ZNF12: variants seen among roughly 807,000 people sequenced by gnomAD.
The protein encoded by ZNF12 is zinc finger protein 12.
In ZNF12, 34 loss-of-function variants were observed where a neutral mutation model predicts 66.6. The ratio of observed to expected loss-of-function variants is 0.51; its 90% CI spans 0.39 to 0.68. The LOEUF (loss-of-function observed/expected upper bound fraction) is 0.68, where lower values mean the gene tolerates loss of function less well. Ranked by LOEUF, ZNF12 falls within the 30% of genes least tolerant of loss-of-function variation. The probability of loss-of-function intolerance (pLI) is 0.00; values close to 1 mark genes in which losing one functional copy is unlikely to be tolerated. For missense variants in ZNF12, 697 were observed against 826.9 expected, an observed-to-expected ratio of 0.84 and a Z score of 1.93; for synonymous variants, 320 against 278.9, an observed-to-expected ratio of 1.15 and a Z score of -1.47.
At chr7:6,694,068 G>A (rs1417988313) in intron 4 of ZNF12, among the ~76,000 whole-genome samples, 1 of 152,036 alleles carries the variant, frequency 6.6e-6, no homozygotes, top group Non-Finnish European at 1.5e-5. Flanking sequence ...TTGGAAGGCT[G>A]AGGCAGGAGA....
intron 2 of ZNF12, chr7:6,704,393 G>C (rs1030025649): frequency 6.6e-6 from 1 of 151,422 alleles, no homozygotes; most frequent in African/African-American, 2.4e-5. Flanking sequence ...GGATAGAGCA[G>C]TAAAAAGAAT....
Position 6,696,385 on chromosome 7 carries a change from T to C in ZNF12, c.238+954A>G, listed in dbSNP as rs544920941. On this transcript the variant is annotated intron_variant, in intron 4 of 4. Transcript: ENST00000405858. The surrounding 1 kb of genome is among the most constrained non-coding windows in gnomAD (Gnocchi z 4.0). ...GGTGATTAGTAATTATAATTTGGAA[T>C]AGGTCATGATCAATTTCCAGGCCTG... 6.6e-6 allele frequency among the ~76,000 whole-genome samples: 1 copy of C among 152,306 alleles called. No individual in the cohort carries two copies. Among genetic ancestry groups the C allele is most frequent in the African/African-American group, 2.4e-5 (1 of 41,554 alleles).
At position 6,691,252 on chromosome 7, in the gene ZNF12, G is replaced by C. The variant is rs755974985; in HGVS notation, c.1690C>G (p.Leu564Val). 6.2e-7 allele frequency: 1 copy of C among 1,613,958 alleles called. No individual in the cohort carries two copies. Among genetic ancestry groups the C allele is most frequent in the Non-Finnish European group, 8.5e-7 (1 of 1,180,006 alleles). ...CGKFFSQMSY[L>V]TIHHRIHSGE... ...GAATGAATTCTATGATGTATAGTGA[G>C]GTATGACATCTGAGAGAAGAATTTT... The change falls in exon 5 of 5, where the codon CTC becomes GTC. Residue 564 changes from leucine to valine, a missense_variant. Transcript: ENST00000405858.
chr7:6,706,909 C>G lies in ZNF12; in HGVS notation c.-528G>C. The G allele has an allele frequency of 2.4e-6, 1 of 414,126 alleles. No individual in the cohort carries two copies. The highest frequency in any genetic ancestry group is 4.8e-6 in the Non-Finnish European group (1 of 208,516). 25.7% of individuals were successfully genotyped at this position (414,126 alleles called of 1,614,324 possible). A position where few individuals can be genotyped will look rare whatever the true frequency, so the allele number is the denominator to read the frequency against. ...GGAGGCCAAAGCCTGGGAACTAGGG[C>G]GAGCGGTGACCTGGGGACGCACAGG... On this transcript the variant is annotated 5_prime_UTR_variant, in exon 1 of 5. Coordinates refer to ENST00000405858, the MANE Select transcript of ZNF12 (RefSeq NM_016265.4).
rs1395931440 is a variant in ZNF12 at position 6,699,088 on chromosome 7, GGTT to G, written c.16-1280_16-1278del. On this transcript the variant is annotated intron_variant, in intron 2 of 4. Coordinates refer to ENST00000405858, the MANE Select transcript of ZNF12 (RefSeq NM_016265.4). ...AAGTTTAAACAACTGAAGGTTATGT[GGTT>G]GTTATTTATGTAATTGGCAAGAAAG... 2.0e-5 allele frequency among the ~76,000 whole-genome samples: 3 copies of G among 152,284 alleles called. No individual in the cohort carries two copies. In the East Asian group the frequency reaches 5.8e-4, roughly 29 times the overall value.
In ZNF12 at chr7:6,698,021, C is replaced by T. The variant is rs1377455710; in HGVS notation, c.16-210G>A. 2.6e-6 allele frequency: 2 copies of T among 763,894 alleles called. No homozygotes were observed. The highest frequency in any genetic ancestry group is 2.3e-4 in the Middle Eastern group (1 of 4,352). The allele number at this position is 763,894 out of a possible 1,614,324, so 47.3% of individuals were successfully genotyped here. On this transcript the variant is annotated intron_variant, in intron 2 of 4. Coordinates refer to ENST00000405858, the MANE Select transcript of ZNF12 (RefSeq NM_016265.4). The surrounding 1 kb of genome is among the most constrained non-coding windows in gnomAD (Gnocchi z 4.4). ...CAAAAAACAAAAAACAAAAAAACAA[C>T]ACTGGGATTGCACGGTGAGCCAGAA...
rs558413700 is a variant in ZNF12, at chr7:6,691,119, T to A, written c.1823A>T (p.Tyr608Phe). 6.2e-7 allele frequency: 1 copy of A among 1,614,124 alleles called. No individual in the cohort carries two copies. The highest frequency in any genetic ancestry group is 2.2e-5 in the East Asian group (1 of 44,868). Residue 608 changes from tyrosine (Y) to phenylalanine (F), a missense_variant, in exon 5 of 5, where the codon TAT becomes TTT. Transcript: ENST00000405858. Reference sequence around the variant, plus strand: ...CTGAGAGAAGCACTTCCCACATTCATAACATTCGTAGGCTTTCTCTCCTGT... The same window carrying A: ...CTGAGAGAAGCACTTCCCACATTCAAAACATTCGTAGGCTTTCTCTCCTGT... ...THTGEKAYECYECGKCFSQMS... is the reference protein window; with the variant it reads ...THTGEKAYECFECGKCFSQMS...
intron 2 of ZNF12, among the ~76,000 whole-genome samples, chr7:6,702,204 T>C (rs975768256): frequency 2.6e-5 from 4 of 151,848 alleles, no homozygotes; most frequent in Non-Finnish European, 5.9e-5. Context: ...TGCACGCTCC[T>C]GGTTCTCCCT....
In ZNF12 at chr7:6,697,900, G is replaced by C. The variant is rs1239740010; in HGVS notation, c.16-89C>G. 7.2e-7 allele frequency: 1 copy of C among 1,386,762 alleles called. No homozygotes were observed. Among genetic ancestry groups the C allele is most frequent in the Non-Finnish European group, 1.0e-6 (1 of 976,948 alleles). The allele number at this position is 1,386,762 out of a possible 1,614,324, so 85.9% of individuals were successfully genotyped here. Reference sequence around the variant, plus strand: ...CATGCTCACTGGCAAAATTAACCATGAACACTGTATACCTTTATTTTATGT... The same window carrying C: ...CATGCTCACTGGCAAAATTAACCATCAACACTGTATACCTTTATTTTATGT... On this transcript the variant is annotated intron_variant, in intron 2 of 4. Coordinates refer to ENST00000405858, the MANE Select transcript of ZNF12 (RefSeq NM_016265.4). This position sits in a 1 kb window ranked among gnomAD's most constrained non-coding sequence, Gnocchi z 6.1.
chr7:6,698,840 G>A lies in ZNF12; in HGVS notation c.16-1029C>T, dbSNP rs2115352012. 6.6e-6 allele frequency among the ~76,000 whole-genome samples: 1 copy of A among 152,292 alleles called. No homozygotes were observed. Among genetic ancestry groups the A allele is most frequent in the East Asian group, 1.9e-4 (1 of 5,192 alleles). On this transcript the variant is annotated intron_variant, in intron 2 of 4. Transcript: ENST00000405858. The surrounding 1 kb of genome is among the most constrained non-coding windows in gnomAD (Gnocchi z 4.4). ...GTCCCATTCACAAGTACTCACACTA[G>A]CCATTATAACTGTTTCCTTTAATAT... is the stretch of plus-strand genomic sequence containing the variant.
In ZNF12 at chr7:6,688,687, C is replaced by G. The variant is rs946575473; in HGVS notation, c.*2161G>C. ...GTGTGATTTTAATAAATGGAAAACACGGCATTTCAGCTCAGTGGTAAAGCA... is the reference window on the plus strand; with the variant it reads ...GTGTGATTTTAATAAATGGAAAACAGGGCATTTCAGCTCAGTGGTAAAGCA... On this transcript the variant is annotated 3_prime_UTR_variant, in exon 5 of 5. Coordinates refer to ENST00000405858, the MANE Select transcript of ZNF12 (RefSeq NM_016265.4). This position sits in a 1 kb window ranked among gnomAD's most constrained non-coding sequence, Gnocchi z 4.3. 6.6e-6 allele frequency: 1 copy of G among 152,152 alleles called. No homozygotes were observed. The highest frequency in any genetic ancestry group is 2.4e-5 in the African/African-American group (1 of 41,422). 9.4% of individuals were successfully genotyped at this position (152,152 alleles called of 1,614,324 possible). A position where few individuals can be genotyped will look rare whatever the true frequency, so the allele number is the denominator to read the frequency against.
Position 6,706,789 on chromosome 7 carries a change from G to C in ZNF12, c.-408C>G, listed in dbSNP as rs1324954367. 4.0e-6 allele frequency: 1 copy of C among 251,262 alleles called. No homozygotes were observed. The highest frequency in any genetic ancestry group is 7.8e-6 in the Non-Finnish European group (1 of 127,556). 15.6% of individuals were successfully genotyped at this position (251,262 alleles called of 1,614,324 possible). On this transcript the variant is annotated 5_prime_UTR_variant, in exon 1 of 5. Transcript: ENST00000405858. The stretch of plus-strand genomic sequence containing the variant: ...GGGTCGTGCTCGGGGATCCCCGCTT[G>C]AGCCTCCGCCTGGCCCGCACAGCCC...
In ZNF12 at chr7:6,697,389, C is replaced by A; in HGVS notation, c.188G>T (p.Gly63Val). ...KPDVISKLEQ[G>V]EEPWIVEGEF... ...TCCTTCTACTATCCATGGCTCTTCT[C>A]CTTGCTCCAACTTGCTGATAACATC... Residue 63 changes from glycine to valine, a missense_variant, in exon 4 of 5, where the codon GGA becomes GTA. Gly to Val is a moderately radical substitution (Grantham distance 109, BLOSUM62 -3). This residue lies in a region of ZNF12 where 55 missense variants were observed against 83.9 expected (regional missense o/e 0.66). Coordinates refer to ENST00000405858, the MANE Select transcript of ZNF12 (RefSeq NM_016265.4). This position sits in a 1 kb window ranked among gnomAD's most constrained non-coding sequence, Gnocchi z 6.1. The A allele has an allele frequency of 1.9e-6, 3 of 1,612,672 alleles. No homozygotes were observed. Among genetic ancestry groups the A allele is most frequent in the Non-Finnish European group, 2.5e-6 (3 of 1,179,398 alleles).
Position 6,706,923 on chromosome 7 carries a change from G to T in ZNF12, c.-542C>A, listed in dbSNP as rs577367109. ...GGGAACTAGGGCGAGCGGTGACCTG[G>T]GGACGCACAGGAAGCGAGGGCACTG... On this transcript the variant is annotated 5_prime_UTR_variant, in exon 1 of 5. Coordinates refer to ENST00000405858, the MANE Select transcript of ZNF12 (RefSeq NM_016265.4). 7 of 412,572 alleles carry T rather than the reference G, an allele frequency of 1.7e-5. No individual in the cohort carries two copies. The highest frequency in any genetic ancestry group is 1.5e-4 in the African/African-American group (7 of 45,824). 25.6% of individuals were successfully genotyped at this position (412,572 alleles called of 1,614,324 possible). A position where few individuals can be genotyped will look rare whatever the true frequency, so the allele number is the denominator to read the frequency against.
intron 4 of ZNF12, among the ~76,000 whole-genome samples, chr7:6,694,404 T>G (rs1028715275): frequency 6.6e-6 from 1 of 152,028 alleles, no homozygotes; most frequent in African/African-American, 2.4e-5. Context: ...TGAGAGACAA[T>G]ACTTTTCACC....
At chr7:6,695,899 G>A (rs1040062393) in intron 4 of ZNF12, among the ~76,000 whole-genome samples, 10 of 152,204 alleles carry the variant, frequency 6.6e-5, no homozygotes, top group Non-Finnish European at 8.8e-5. Context: ...TAAAGCTGTA[G>A]GGACAATAGT....
At chr7:6,704,269 A>T (rs1052310556) in intron 2 of ZNF12, 1 of 151,006 alleles carries the variant, frequency 6.6e-6, no homozygotes, top group Non-Finnish European at 1.5e-5. Flanking sequence ...AATCAGGGAT[A>T]GCGCCACTGC....
At chr7:6,702,396 A>C (rs1407548198) in intron 2 of ZNF12, among the ~76,000 whole-genome samples, 15 of 30,262 alleles carry the variant, frequency 5.0e-4, no homozygotes, top group South Asian at 1.1e-3. Flanking sequence ...ACACACACAC[A>C]CAACCAGATT....
intron 4 of ZNF12, among the ~76,000 whole-genome samples, chr7:6,694,598 T>G (rs1431820630): frequency 6.6e-6 from 1 of 152,300 alleles, no homozygotes; most frequent in South Asian, 2.1e-4. Context: ...CTGGGAGAGA[T>G]AGGTCATGAT....
Sources: gnomAD v4.1 joint callset for allele counts (sites outside exome capture counted in the v4.1 genomes callset) on GRCh38, gnomAD v4.1.1 for gene constraint, gnomAD v4.1.1 regional missense constraint, Gnocchi (gnomAD v3.1) non-coding constraint, MANE v1.5 for transcripts, NCBI Gene and HGNC (gene_info 2026-07-23, HGNC 2026-07-21) for gene names.